DOCK9: variants seen among roughly 807,000 people sequenced by gnomAD.
The protein encoded by DOCK9 is dedicator of cytokinesis 9.
In DOCK9, 89 loss-of-function variants were observed where a neutral mutation model predicts 263.3. The ratio of observed to expected loss-of-function variants is 0.34; its 90% CI spans 0.28 to 0.40. DOCK9 has a LOEUF of 0.40. Among genes scored for constraint, DOCK9 ranks in the 10% least tolerant of loss-of-function variants. The pLI is 1.00. For missense variants in DOCK9, 2,140 were observed against 2,603.4 expected (o/e 0.82, Z 3.87); for synonymous variants, 976 against 973.1 (o/e 1.00, Z -0.06).
chr13:98,926,012 A>G, intron 3 of DOCK9, 93 bp from the exon 4 acceptor site: 1 of 942,278 alleles, frequency 1.1e-6, no homozygotes. Flanking sequence ...GCATACCCAT[A>G]GAAACATCAA....
chr13:98,833,970 T>C (rs1382508651), intron 39 of DOCK9, among the ~76,000 whole-genome samples: 2 of 152,232 alleles, frequency 1.3e-5, no homozygotes, highest in Non-Finnish European at 1.5e-5. Context: ...GTTTCTTATT[T>C]CTATCTTTTT....
At chr13:98,876,436 A>G (rs1336619715) in intron 27 of DOCK9, among the ~76,000 whole-genome samples, 3 of 152,344 alleles carry the variant, frequency 2.0e-5, no homozygotes, top group Non-Finnish European at 2.9e-5. Context: ...GGTCGCAGTG[A>G]GCCCAGATTG....
chr13:98,872,579 T>C (rs1594849165), intron 27 of DOCK9, among the ~76,000 whole-genome samples: 1 of 152,074 alleles, frequency 6.6e-6, no homozygotes, highest in African/African-American at 2.4e-5. Context: ...GCTAATTTTG[T>C]TCACATTTGC....
At chr13:98,942,515 G>A (rs555980855) in intron 2 of DOCK9, among the ~76,000 whole-genome samples, 2 of 152,244 alleles carry the variant, frequency 1.3e-5, no homozygotes, top group East Asian at 3.9e-4. Flanking sequence ...TGGGATTACA[G>A]GCGTGAGCCA....
intron 7 of DOCK9, among the ~76,000 whole-genome samples, chr13:98,920,156 AC>A (rs1053329248): frequency 6.6e-6 from 1 of 152,228 alleles, no homozygotes; most frequent in Non-Finnish European, 1.5e-5. Flanking sequence ...CAGAAAAGAG[AC>A]ACTGAAGGAG....
At position 98,804,979 on chromosome 13, in the gene DOCK9, G is replaced by T; in HGVS notation, c.5725+20C>A. 1 of 1,581,240 alleles carries T rather than the reference G, an allele frequency of 6.3e-7. No homozygotes were observed. Among genetic ancestry groups the T allele is most frequent in the Non-Finnish European group, 8.6e-7 (1 of 1,163,846 alleles). ...GCGAGGTGTCCGGGCTCGTGTCCAT[G>T]CGGCTTCTGGGGCCCATACCTGTCA... On this transcript the variant is annotated intron_variant, in intron 49 of 52. Transcript: ENST00000682017.
rs1164571558 is a variant in DOCK9 at position 98,831,518 on chromosome 13, A to G, written c.4465T>C (p.Phe1489Leu). 6.3e-7 allele frequency: 1 copy of G among 1,586,186 alleles called. No individual in the cohort carries two copies. The highest frequency in any genetic ancestry group is 1.3e-5 in the African/African-American group (1 of 74,388). ...RSLIYKFPST[F>L]YEGRADMCAA... is the part of the protein sequence containing the mutation. ...CACATGTCCGCTCTCCCTTCATAGA[A>G]TGTTGAGGGAAACTAGACAGGATGA... The change falls in exon 41 of 53, where the codon TTC becomes CTC. Residue 1489 changes from phenylalanine (F) to leucine (L), a missense_variant. Phe to Leu is a conservative substitution (Grantham distance 22). Around this residue, in one of 2 missense-constraint regions of DOCK9, gnomAD observed 619 missense variants for 861.8 expected, o/e 0.72. Transcript: ENST00000682017.
chr13:98,859,282 C>A (rs968449938), intron 33 of DOCK9: 1 of 152,184 alleles, frequency 6.6e-6, no homozygotes, highest in Non-Finnish European at 1.5e-5. Context: ...GAGCATTTAC[C>A]GTGTGCCAGG....
At chr13:98,989,664 G>T (rs1178305218) in intron 1 of DOCK9, among the ~76,000 whole-genome samples, 2 of 152,118 alleles carry the variant, frequency 1.3e-5, no homozygotes, top group Non-Finnish European at 2.9e-5. Flanking sequence ...GAGGTGGAGT[G>T]GGGTAGAGAT....
intron 1 of DOCK9, among the ~76,000 whole-genome samples, chr13:99,053,175 T>G (rs1421624830): frequency 1.3e-5 from 2 of 152,232 alleles, no homozygotes; most frequent in Non-Finnish European, 2.9e-5. Flanking sequence ...ACATCCCTAC[T>G]GTCCTTTTCT....
At chr13:98,922,183 G>A (rs754612751) in intron 5 of DOCK9, 37 bp from the exon 6 acceptor site, 97 of 1,482,270 alleles carry the variant, frequency 6.5e-5, no homozygotes, top group Admixed American at 4.7e-4. Flanking sequence ...TCAACCTCCC[G>A]TTATTACCTG....
chr13:98,901,813 C>A lies in DOCK9; in HGVS notation c.1468G>T (p.Ala490Ser). 1 of 1,612,542 alleles carries A rather than the reference C, an allele frequency of 6.2e-7. No individual in the cohort carries two copies. Among genetic ancestry groups the A allele is most frequent in the Non-Finnish European group, 8.5e-7 (1 of 1,179,272 alleles). The change falls in exon 13 of 53, where the codon GCT becomes TCT. Residue 490 changes from alanine (A) to serine (S), a missense_variant. Ala to Ser is a moderately conservative substitution (Grantham distance 99, BLOSUM62 1). This residue lies in a region of DOCK9 where 1,521 missense variants were observed against 1,741.7 expected (regional missense o/e 0.87). Transcript: ENST00000682017. ...TCTGAACTTTTCATATATGGCTCAG[C>A]GCAATGTGTGATGCTCCCCTGAAGG... ...KVLQGSITHC[A>S]EPYMKSSDSS...
chr13:99,038,994 A>G (rs1344364886), intron 1 of DOCK9, among the ~76,000 whole-genome samples: 2 of 152,232 alleles, frequency 1.3e-5, no homozygotes, highest in South Asian at 4.1e-4. Context: ...AAATAACTTA[A>G]CTTTTTAATC....
At chr13:98,902,916 A>C in intron 11 of DOCK9, 56 bp downstream of exon 11, 1 of 1,419,174 alleles carries the variant, frequency 7.0e-7, no homozygotes. Flanking sequence ...GTAAAGGTAC[A>C]TCTGAAACCT....
intron 1 of DOCK9, among the ~76,000 whole-genome samples, chr13:98,999,810 A>C (rs1196819903): frequency 2.0e-5 from 3 of 152,190 alleles, no homozygotes; most frequent in African/African-American, 7.2e-5. Flanking sequence ...AAAGAGTATG[A>C]TTTGGACAGA....
At chr13:98,925,757 T>A in intron 4 of DOCK9, 80 bp downstream of exon 4, 1 of 909,636 alleles carries the variant, frequency 1.1e-6, no homozygotes, top group Non-Finnish European at 1.6e-6. Context: ...TTACTCTGAT[T>A]GCATATGAAG....
At chr13:99,015,225 T>G (rs780652899) in intron 1 of DOCK9, among the ~76,000 whole-genome samples, 1 of 152,240 alleles carries the variant, frequency 6.6e-6, no homozygotes, top group Non-Finnish European at 1.5e-5. Flanking sequence ...ATAAAATATC[T>G]TATTCCTTTC....
rs769424891 is a variant in DOCK9, at chr13:98,829,400, G to C, written c.4872C>G (p.Ser1624Arg). 6.2e-7 allele frequency: 1 copy of C among 1,613,912 alleles called. No homozygotes were observed. The highest frequency in any genetic ancestry group is 1.7e-5 in the Admixed American group (1 of 60,012). Residue 1624 changes from serine to arginine, a missense_variant, in exon 43 of 53, where the codon AGC becomes AGG. By Grantham distance (110) the Ser-to-Arg change is moderately radical (BLOSUM62 -1). Coordinates refer to ENST00000682017, the MANE Select transcript of DOCK9 (RefSeq NM_001366683.2). The surrounding 1 kb of genome is among the most constrained non-coding windows in gnomAD (Gnocchi z 4.1). ...GCGTGCTGGCATAGGATTTGGCCAG[G>C]CTGTACTGGAGGTCCACCAGCATCT... The part of the protein sequence containing the change: ...DPEMLVDLQY[S>R]LAKSYASTPE...
chr13:99,016,221 G>A (rs796254362), intron 1 of DOCK9, among the ~76,000 whole-genome samples: 5 of 152,202 alleles, frequency 3.3e-5, no homozygotes, highest in African/African-American at 1.2e-4. Context: ...TCCAAAAAAC[G>A]AGTGAAATCT....
Sources: allele counts gnomAD v4.1 joint callset (sites outside exome capture counted in the v4.1 genomes callset), GRCh38; gene constraint gnomAD v4.1.1; regional missense constraint gnomAD v4.1.1; non-coding constraint Gnocchi (gnomAD v3.1); transcripts MANE v1.5; gene names NCBI Gene and HGNC (gene_info 2026-07-23, HGNC 2026-07-21).